The following GPC6 variants were observed in gnomAD, a reference collection of about 807,000 sequenced individuals.
The protein encoded by GPC6 is glypican-6.
A neutral mutation model predicts 55.2 loss-of-function variants in GPC6; 14 were observed. The observed-to-expected ratio is 0.25, with a 90% CI of 0.17 to 0.40. The LOEUF (loss-of-function observed/expected upper bound fraction) is 0.40, where lower values mean the gene tolerates loss of function less well. Ranked by LOEUF, GPC6 falls within the 10% of genes least tolerant of loss-of-function variation. The pLI is 1.00. For synonymous variants in GPC6, 278 were observed against 259.6 expected (o/e 1.07, Z -0.68); for missense variants, 641 against 708.5 (o/e 0.90, Z 1.08).
intron 4 of GPC6, among the ~76,000 whole-genome samples, chr13:94,237,635 C>A (rs537155233): frequency 7.9e-5 from 12 of 152,018 alleles, no homozygotes; most frequent in Non-Finnish European, 1.5e-4. Flanking sequence ...GGTGCAGAGG[C>A]CCCAATGTGG....
intron 4 of GPC6, among the ~76,000 whole-genome samples, chr13:94,233,484 A>G (rs1424848923): frequency 6.6e-6 from 1 of 152,190 alleles, no homozygotes; most frequent in Non-Finnish European, 1.5e-5. Flanking sequence ...AAAATATTAA[A>G]TGGAAAATTC....
chr13:94,077,799 C>G lies in GPC6; in HGVS notation c.877+49905C>G, dbSNP rs1173915133. ...ATTGTTTTGTGTATATTGGACCATC[C>G]TTGCATCCCAGGGATAAATCCCACT... On this transcript the variant is annotated intron_variant, in intron 4 of 8. Coordinates refer to ENST00000377047, the MANE Select transcript of GPC6 (RefSeq NM_005708.5). Among the ~76,000 whole-genome samples, 5 of 151,846 alleles carry G rather than the reference C, an allele frequency of 3.3e-5. No homozygotes were observed. The South Asian group carries it at 1.0e-3, about 31-fold the overall frequency.
intron 1 of GPC6, among the ~76,000 whole-genome samples, chr13:93,250,457 T>A (rs1876747465): frequency 6.6e-6 from 1 of 152,198 alleles, no homozygotes; most frequent in Admixed American, 6.5e-5. Flanking sequence ...GTATTCACCC[T>A]CACATTGGCC....
intron 3 of GPC6, among the ~76,000 whole-genome samples, chr13:93,938,380 G>T (rs2140360440): frequency 6.6e-6 from 1 of 152,152 alleles, no homozygotes; most frequent in East Asian, 1.9e-4. Context: ...TTAATTTGTA[G>T]AATTAAGGCT....
At chr13:93,629,546 A>G (rs1879346028) in intron 2 of GPC6, among the ~76,000 whole-genome samples, 1 of 152,222 alleles carries the variant, frequency 6.6e-6, no homozygotes, top group Non-Finnish European at 1.5e-5. Context: ...TTCAGTTAAT[A>G]GAAAGTTAGA....
At chr13:94,113,306 T>G (rs1467328475) in intron 4 of GPC6, among the ~76,000 whole-genome samples, 1 of 152,048 alleles carries the variant, frequency 6.6e-6, no homozygotes, top group Non-Finnish European at 1.5e-5. Context: ...GAGTCTTGAG[T>G]TTTTATTTTT....
intron 2 of GPC6, among the ~76,000 whole-genome samples, chr13:93,645,215 A>G (rs1457591866): frequency 6.6e-6 from 1 of 150,834 alleles, no homozygotes; most frequent in Middle Eastern, 3.2e-3. Flanking sequence ...TTTTCATGAT[A>G]CCTTATAAGT....
chr13:93,328,641 C>T (rs772201584), intron 1 of GPC6, among the ~76,000 whole-genome samples: 1 of 150,816 alleles, frequency 6.6e-6, no homozygotes, highest in African/African-American at 2.4e-5. Context: ...CACCACTGTA[C>T]TCCAGCCTGG....
intron 1 of GPC6, among the ~76,000 whole-genome samples, chr13:93,278,992 AGATTT>A (rs1877857104): frequency 6.6e-6 from 1 of 152,236 alleles, no homozygotes; most frequent in Non-Finnish European, 1.5e-5. Flanking sequence ...AAATCATAAT[AGATTT>A]ATGTTAAAAA....
chr13:94,337,995 A>T (rs955816486), intron 6 of GPC6, among the ~76,000 whole-genome samples: 9 of 152,210 alleles, frequency 5.9e-5, no homozygotes, highest in Non-Finnish European at 1.3e-4. Flanking sequence ...CAATTCGCAC[A>T]CGTTAAGAAG....
intron 1 of GPC6, among the ~76,000 whole-genome samples, chr13:93,436,688 T>C (rs1323255254): frequency 6.6e-6 from 1 of 152,106 alleles, no homozygotes; most frequent in South Asian, 2.1e-4. Flanking sequence ...ATGAAAAAAA[T>C]GCACCCCTTC....
chr13:93,848,259 T>C (rs1003105441), intron 3 of GPC6, among the ~76,000 whole-genome samples: 2 of 152,302 alleles, frequency 1.3e-5, no homozygotes, highest in Admixed American at 6.5e-5. Flanking sequence ...CGGTTTGTGC[T>C]TTCTCTTGGG....
intron 2 of GPC6, among the ~76,000 whole-genome samples, chr13:93,714,490 A>G (rs1417439095): frequency 3.3e-5 from 5 of 151,976 alleles, no homozygotes; most frequent in African/African-American, 1.2e-4. Context: ...TGCTGGGAAT[A>G]TAAATTAGTT....
intron 1 of GPC6, among the ~76,000 whole-genome samples, chr13:93,391,891 G>A (rs1875647663): frequency 6.6e-6 from 1 of 152,066 alleles, no homozygotes; most frequent in Admixed American, 6.6e-5. Flanking sequence ...TGTTTTGACA[G>A]TTAAAAAGGA....
At chr13:93,663,427 G>T (rs1173519783) in intron 2 of GPC6, among the ~76,000 whole-genome samples, 2 of 152,112 alleles carry the variant, frequency 1.3e-5, no homozygotes, top group African/African-American at 4.8e-5. Flanking sequence ...CAGATGCTGA[G>T]ACAGATTATT....
At chr13:93,364,096 T>C (rs915603590) in intron 1 of GPC6, among the ~76,000 whole-genome samples, 2 of 152,226 alleles carry the variant, frequency 1.3e-5, no homozygotes, top group Admixed American at 1.3e-4. Context: ...GCCTGTTCAC[T>C]CTGATGGTAG....
intron 4 of GPC6, among the ~76,000 whole-genome samples, chr13:94,126,731 G>GT (rs71679754): frequency 6.6e-6 from 1 of 151,900 alleles, no homozygotes; most frequent in Admixed American, 6.6e-5. Flanking sequence ...CTTCCTTAAT[G>GT]TTTTTGGACC....
chr13:93,803,078 C>A lies in GPC6; in HGVS notation c.320-27076C>A, dbSNP rs149198215. ...TTGCATTCATGCTGACATTGTTTAA[C>A]CCGTCCTAGAGCAGCTTCTTACTTT... On this transcript the variant is annotated intron_variant, in intron 2 of 8. Transcript: ENST00000377047. 2.8e-3 allele frequency among the ~76,000 whole-genome samples: 422 copies of A among 152,270 alleles called. 2 individuals are homozygous for A. Among genetic ancestry groups the A allele is most frequent in the Middle Eastern group, 0.014 (4 of 294 alleles).
chr13:93,833,119 G>T lies in GPC6; in HGVS notation c.711+2574G>T, dbSNP rs1421373449. Among the ~76,000 whole-genome samples, 54 of 110,240 alleles carry T rather than the reference G, an allele frequency of 4.9e-4. 1 individual carries two copies. Among genetic ancestry groups the T allele is most frequent in the African/African-American group, 2.5e-3 (52 of 20,654 alleles). 72.3% of individuals were successfully genotyped at this position (110,240 alleles called of 152,430 possible). On this transcript the variant is annotated intron_variant, in intron 3 of 8. Coordinates refer to ENST00000377047, the MANE Select transcript of GPC6 (RefSeq NM_005708.5). Reference sequence around the variant, plus strand: ...GATAGGTAGATGATAGAGAGAGAGAGAGAGAGAGAGAGAGAGAGAGAGAGA... The same window carrying T: ...GATAGGTAGATGATAGAGAGAGAGATAGAGAGAGAGAGAGAGAGAGAGAGA...
Sources: gnomAD v4.1 joint callset for allele counts (sites outside exome capture counted in the v4.1 genomes callset) on GRCh38, gnomAD v4.1.1 for gene constraint, MANE v1.5 for transcripts, NCBI Gene and HGNC (gene_info 2026-07-23, HGNC 2026-07-21) for gene names.